The following GDPD1 variants were observed in gnomAD, a reference collection of about 807,000 sequenced individuals.
GDPD1 encodes glycerophosphodiester phosphodiesterase domain containing 1.
Under a neutral mutation model 45.1 loss-of-function variants are expected in GDPD1, and 28 were observed. The ratio of observed to expected loss-of-function variants is 0.62; its 90% confidence interval spans 0.46 to 0.85. GDPD1 has a LOEUF of 0.85. Among genes scored for constraint, GDPD1 ranks in the 40% least tolerant of loss-of-function variants. The probability of loss-of-function intolerance (pLI) is 0.00; values close to 1 mark genes in which losing one functional copy is unlikely to be tolerated. For synonymous variants in GDPD1, 139 were observed against 131.4 expected (o/e 1.06, Z -0.40); for missense variants, 256 against 364.8 (o/e 0.70, Z 2.43).
intron 2 of GDPD1, among the ~76,000 whole-genome samples, chr17:59,235,892 A>G (rs2047128324): frequency 6.6e-6 from 1 of 151,566 alleles, no homozygotes; most frequent in South Asian, 2.1e-4. Context: ...TAAATACTTT[A>G]TTTATTTTCT....
At chr17:59,246,836 C>T (rs1171517213) in intron 3 of GDPD1, among the ~76,000 whole-genome samples, 4 of 151,458 alleles carry the variant, frequency 2.6e-5, no homozygotes, top group East Asian at 3.9e-4. Flanking sequence ...GGCATGATCT[C>T]GGCTCACTGC....
At chr17:59,251,476 G>T (rs181015329) in intron 4 of GDPD1, among the ~76,000 whole-genome samples, 1 of 150,398 alleles carries the variant, frequency 6.6e-6, no homozygotes, top group Non-Finnish European at 1.5e-5. Context: ...CTGAGATCAC[G>T]CCATTGTACT....
intron 2 of GDPD1, among the ~76,000 whole-genome samples, chr17:59,236,023 G>A (rs2047129411): frequency 6.6e-6 from 1 of 151,996 alleles, no homozygotes; most frequent in African/African-American, 2.4e-5. Flanking sequence ...CCTGAGGTAG[G>A]TCATACATAT....
intron 7 of GDPD1, among the ~76,000 whole-genome samples, chr17:59,268,648 G>A (rs2047420081): frequency 1.4e-5 from 2 of 145,112 alleles, no homozygotes; most frequent in African/African-American, 2.6e-5. Context: ...AAAAAATCAA[G>A]CTGAAGAGCT....
intron 4 of GDPD1, among the ~76,000 whole-genome samples, chr17:59,253,056 C>CT (rs925965226): frequency 1.2e-4 from 18 of 151,224 alleles, no homozygotes; most frequent in African/African-American, 2.2e-4. Context: ...TGAAGGTAAC[C>CT]TTTTTTTTTC....
Position 59,257,204 on chromosome 17 carries a change from C to A in GDPD1, c.450C>A (p.Ile150=). The A allele has an allele frequency of 6.3e-7, 1 of 1,597,998 alleles. No homozygotes were observed. Among genetic ancestry groups the A allele is most frequent in the South Asian group, 1.1e-5 (1 of 88,540 alleles). ...CCTTTCCTAACACTCCCATTAACAT[C>A]GATATCAAAGTCAACAACAATGTGC... The part of the protein sequence containing the change: ...FEAFPNTPIN[I]DIKVNNNVLI... Residue 150 remains isoleucine (I), a synonymous_variant, in exon 5 of 10, where the codon ATC becomes ATA. Transcript: ENST00000284116.
intron 1 of GDPD1, among the ~76,000 whole-genome samples, chr17:59,233,355 A>AT (rs2047105934): frequency 6.6e-6 from 1 of 151,828 alleles, no homozygotes; most frequent in Non-Finnish European, 1.5e-5. Flanking sequence ...CTACTAAAAA[A>AT]CAAAAAATTA....
intron 1 of GDPD1, among the ~76,000 whole-genome samples, chr17:59,229,980 G>A (rs1336616705): frequency 1.3e-5 from 2 of 152,106 alleles, no homozygotes; most frequent in Non-Finnish European, 2.9e-5. Context: ...TTGCTTGCTT[G>A]CTTGCTTATT....
At chr17:59,262,876 C>T (rs2047368546) in intron 6 of GDPD1, among the ~76,000 whole-genome samples, 1 of 152,074 alleles carries the variant, frequency 6.6e-6, no homozygotes, top group African/African-American at 2.4e-5. Flanking sequence ...GATCCGCCCA[C>T]CTCGGCCTCC....
At chr17:59,268,714 G>A (rs2047420715) in intron 7 of GDPD1, among the ~76,000 whole-genome samples, 1 of 151,446 alleles carries the variant, frequency 6.6e-6, no homozygotes, top group African/African-American at 2.4e-5. Context: ...AAAAAATAAA[G>A]CTGAACGTTA....
intron 4 of GDPD1, among the ~76,000 whole-genome samples, chr17:59,255,757 A>AT: frequency 1.2e-5 from 1 of 85,472 alleles, no homozygotes; most frequent in African/African-American, 7.4e-5. Context: ...AAAAAAAAAA[A>AT]AAAAAATATA....
At chr17:59,259,151 T>G (rs1288349196) in intron 6 of GDPD1, among the ~76,000 whole-genome samples, 1 of 149,854 alleles carries the variant, frequency 6.7e-6, no homozygotes, top group Non-Finnish European at 1.5e-5. Flanking sequence ...AAAAAAATCC[T>G]GGGCACAGTG....
intron 6 of GDPD1, 46 bp from the exon 7 acceptor site, chr17:59,266,995 T>C (rs1385036976): frequency 2.0e-6 from 3 of 1,473,418 alleles, no homozygotes; most frequent in Non-Finnish European, 2.8e-6. Flanking sequence ...TCCTCTTTAT[T>C]TGAGCAGTTG....
At position 59,257,205 on chromosome 17, in the gene GDPD1, G is replaced by A. The variant is rs1266271549; in HGVS notation, c.451G>A (p.Asp151Asn). 2 of 1,597,164 alleles carry A rather than the reference G, an allele frequency of 1.3e-6. No individual in the cohort carries two copies. The highest frequency in any genetic ancestry group is 1.7e-6 in the Non-Finnish European group (2 of 1,171,066). ...EAFPNTPINI[D>N]IKVNNNVLIK... The stretch of plus-strand genomic sequence containing the variant: ...CTTTCCTAACACTCCCATTAACATC[G>A]ATATCAAAGTCAACAACAATGTGCT... Residue 151 changes from aspartate (D) to asparagine (N), a missense_variant, in exon 5 of 10, where the codon GAT (aspartate) becomes AAT (asparagine). Transcript: ENST00000284116.
Position 59,257,838 on chromosome 17 carries a change from G to A in GDPD1, c.574G>A (p.Glu192Lys), listed in dbSNP as rs555381227. The A allele has an allele frequency of 1.3e-6, 2 of 1,570,186 alleles. No individual in the cohort carries two copies. Among genetic ancestry groups the A allele is most frequent in the South Asian group, 1.1e-5 (1 of 87,572 alleles). Residue 192 changes from glutamate (E) to lysine (K), a missense_variant and splice_region_variant, in exon 6 of 10, where the codon GAG (glutamate) becomes AAG (lysine). Transcript: ENST00000284116. ...TGAAATTGTAGAAAAGTGCTACAAA[G>A]AGGTAAGCTTCAAAAATGATACAGA... ...NYEIVEKCYK[E>K]NSDIPILFSL...
rs1472329863 is a variant in GDPD1, at chr17:59,255,844, TATATATAC to T, written c.368-1276_368-1269del. On this transcript the variant is annotated intron_variant, in intron 4 of 9. Transcript: ENST00000284116. ...ATATATATACGCGTATATATATATA[TATATATAC>T]ACACGTATATATATATATATATACA... Among the ~76,000 whole-genome samples the T allele has an allele frequency of 5.5e-5, 5 of 90,208 alleles. 1 individual carries two copies. The highest frequency in any genetic ancestry group is 3.5e-4 in the African/African-American group (5 of 14,192). 59.2% of individuals were successfully genotyped at this position (90,208 alleles called of 152,430 possible).
chr17:59,254,375 A>AAAG (rs1568346145), intron 4 of GDPD1, among the ~76,000 whole-genome samples: 3 of 148,102 alleles, frequency 2.0e-5, no homozygotes, highest in Non-Finnish European at 3.0e-5. Flanking sequence ...AAAAAAAAAA[A>AAAG]AAAAGAAAAG....
At chr17:59,254,337 G>A (rs2047279554) in intron 4 of GDPD1, among the ~76,000 whole-genome samples, 1 of 150,496 alleles carries the variant, frequency 6.6e-6, no homozygotes, top group Admixed American at 6.6e-5. Flanking sequence ...CTGCAGCCTG[G>A]GTGACAGAGT....
intron 6 of GDPD1, among the ~76,000 whole-genome samples, chr17:59,263,236 T>G (rs2047371733): frequency 6.6e-6 from 1 of 152,032 alleles, no homozygotes; most frequent in African/African-American, 2.4e-5. Context: ...CTCTCTGTAT[T>G]GCCCAGGCTG....
Sources: allele counts gnomAD v4.1 joint callset (sites outside exome capture counted in the v4.1 genomes callset), GRCh38; gene constraint gnomAD v4.1.1; transcripts MANE v1.5; gene names NCBI Gene and HGNC (gene_info 2026-07-23, HGNC 2026-07-21).